The following TAF4 variants were observed in gnomAD, a reference collection of about 807,000 sequenced individuals.
TAF4 encodes TATA-box binding protein associated factor 4.
In TAF4, 9 loss-of-function variants were observed where a neutral mutation model predicts 90.3. The ratio of observed to expected loss-of-function variants is 0.10; its 90% CI spans 0.06 to 0.17. TAF4 has a LOEUF of 0.17. Ranked by LOEUF, TAF4 falls within the 10% of genes least tolerant of loss-of-function variation. TAF4 has a pLI of 1.00. For missense variants in TAF4, 1,351 were observed against 1,370.7 expected, an observed-to-expected ratio of 0.99 and a Z score of 0.23; for synonymous variants, 818 against 638.9, an observed-to-expected ratio of 1.28 and a Z score of -4.23.
At chr20:62,059,015 CACAGTCCCCAACA>C (rs2056075633) in intron 1 of TAF4, among the ~76,000 whole-genome samples, 2 of 152,272 alleles carry the variant, frequency 1.3e-5, no homozygotes, top group Non-Finnish European at 2.9e-5. Context: ...AGTCCCCAAA[CACAGTCCCCAACA>C]GACAACTTCT....
At chr20:62,054,618 C>A (rs1317720198) in intron 1 of TAF4, among the ~76,000 whole-genome samples, 1 of 152,180 alleles carries the variant, frequency 6.6e-6, no homozygotes, top group Admixed American at 6.5e-5. Context: ...CACCAGGCTC[C>A]TGCACCCAGG....
intron 1 of TAF4, among the ~76,000 whole-genome samples, chr20:62,056,633 C>T (rs1044725017): frequency 6.6e-6 from 1 of 152,074 alleles, no homozygotes; most frequent in East Asian, 1.9e-4. Flanking sequence ...CAAGGCAAAG[C>T]ACAGACTTGG....
chr20:62,065,487 G>T lies in TAF4; in HGVS notation c.324C>A (p.Pro108=), dbSNP rs1421840073. The change falls in exon 1 of 15, where the codon CCC becomes CCA. Residue 108 remains proline, a synonymous_variant. Coordinates refer to ENST00000252996, the MANE Select transcript of TAF4 (RefSeq NM_003185.4). ...GGGGPQRPGP[P]SPRRPLVPAG... Reference sequence around the variant, plus strand: ...CGGGGACAAGGGGGCGGCGCGGTGAGGGGGGGCCCGGGCGCTGCGGCCCCC... The same window carrying T: ...CGGGGACAAGGGGGCGGCGCGGTGATGGGGGGCCCGGGCGCTGCGGCCCCC... 2.1e-6 allele frequency: 2 copies of T among 964,626 alleles called. No homozygotes were observed. The highest frequency in any genetic ancestry group is 1.2e-4 in the East Asian group (1 of 8,442). 59.8% of individuals were successfully genotyped at this position (964,626 alleles called of 1,614,324 possible). A position where few individuals can be genotyped will look rare whatever the true frequency, so the allele number is the denominator to read the frequency against.
Position 62,065,598 on chromosome 20 carries a change from C to A in TAF4, c.213G>T (p.Ala71=). 2 of 987,526 alleles carry A rather than the reference C, an allele frequency of 2.0e-6. No homozygotes were observed. Among genetic ancestry groups the A allele is most frequent in the Non-Finnish European group, 2.4e-6 (2 of 833,874 alleles). 61.2% of individuals were successfully genotyped at this position (987,526 alleles called of 1,614,324 possible). A position where few individuals can be genotyped will look rare whatever the true frequency, so the allele number is the denominator to read the frequency against. ...HVVSGSPAGA[A]GAGPAAPAEG... Reference sequence around the variant, plus strand: ...CGGCGGGGGCGGCCGGCCCTGCGCCCGCGGCTCCGGCCGGGCTGCCGCTCA... The same window carrying A: ...CGGCGGGGGCGGCCGGCCCTGCGCCAGCGGCTCCGGCCGGGCTGCCGCTCA... The change falls in exon 1 of 15, where the codon GCG becomes GCT. Residue 71 remains alanine (A), a synonymous_variant. Transcript: ENST00000252996.
At chr20:62,059,577 A>C (rs2056078502) in intron 1 of TAF4, among the ~76,000 whole-genome samples, 1 of 152,178 alleles carries the variant, frequency 6.6e-6, no homozygotes, top group South Asian at 2.1e-4. Context: ...GGTGCACAGC[A>C]CTCGGCACAG....
intron 1 of TAF4, chr20:62,064,215 A>T (rs2056107313): frequency 4.8e-6 from 2 of 414,036 alleles, no homozygotes; most frequent in Non-Finnish European, 8.3e-6. Flanking sequence ...ACAGGCAGCC[A>T]GCGCGGACGT....
chr20:61,983,502 T>C (rs570796676), intron 14 of TAF4, among the ~76,000 whole-genome samples: 2 of 152,044 alleles, frequency 1.3e-5, no homozygotes, highest in East Asian at 1.9e-4. Context: ...TCCTACAAAA[T>C]ATTTTAAAAA....
intron 14 of TAF4, among the ~76,000 whole-genome samples, chr20:61,995,212 G>C (rs774645460): frequency 6.6e-6 from 1 of 152,200 alleles, no homozygotes; most frequent in Non-Finnish European, 1.5e-5. Context: ...GAGGAAAACA[G>C]CAGTCGAGAG....
intron 14 of TAF4, among the ~76,000 whole-genome samples, chr20:61,981,694 A>G (rs2055541982): frequency 6.6e-6 from 1 of 152,056 alleles, no homozygotes. Flanking sequence ...TCTCCCCCTC[A>G]GGCAGAGTGG....
intron 14 of TAF4, among the ~76,000 whole-genome samples, chr20:61,978,680 CA>C (rs1389466389): frequency 6.6e-6 from 1 of 151,260 alleles, no homozygotes; most frequent in African/African-American, 2.4e-5. Context: ...GGGGCGAGAC[CA>C]ACCAAGGCCG....
At position 62,027,845 on chromosome 20, in the gene TAF4, G is replaced by A. The variant is rs143500418; in HGVS notation, c.1361-13138C>T. 8.3e-3 allele frequency among the ~76,000 whole-genome samples: 1,257 copies of A among 152,294 alleles called. 10 individuals carry two copies. Among genetic ancestry groups the A allele is most frequent in the Non-Finnish European group, 0.011 (764 of 68,016 alleles). On this transcript the variant is annotated intron_variant, in intron 1 of 14. Transcript: ENST00000252996. ...ATGGCCCACATCGCTCCATGCGCACGGGGCAAAGAAACAGTGACTGAGAAA... is the reference window on the plus strand; with the variant it reads ...ATGGCCCACATCGCTCCATGCGCACAGGGCAAAGAAACAGTGACTGAGAAA...
chr20:62,017,060 GAGTCC>G lies in TAF4; in HGVS notation c.1361-2358_1361-2354del, dbSNP rs2055816001. On this transcript the variant is annotated intron_variant, in intron 1 of 14. Transcript: ENST00000252996. ...GGAGGCTAGGGTGGGAGGATCATCT[GAGTCC>G]AGGAGCTGGAAGCTGCAGTGGGCTA... Among the ~76,000 whole-genome samples, 4 of 151,726 alleles carry G rather than the reference GAGTCC, an allele frequency of 2.6e-5. No individual in the cohort carries two copies. The South Asian group carries it at 8.3e-4, about 32-fold the overall frequency.
At position 62,010,265 on chromosome 20, in the gene TAF4, C is replaced by A; in HGVS notation, c.1642-100G>T. On this transcript the variant is annotated intron_variant, in intron 3 of 14. Transcript: ENST00000252996. The surrounding 1 kb of genome is among the most constrained non-coding windows in gnomAD (Gnocchi z 4.5). ...CAGCAAAAGAAAACAAGCCTCCCTGCGGTGGCCAGGACGCCCAGGAAGCCA... is the reference window on the plus strand; with the variant it reads ...CAGCAAAAGAAAACAAGCCTCCCTGAGGTGGCCAGGACGCCCAGGAAGCCA... 6.4e-7 allele frequency: 1 copy of A among 1,563,940 alleles called. No homozygotes were observed. Among genetic ancestry groups the A allele is most frequent in the South Asian group, 1.1e-5 (1 of 87,746 alleles).
intron 1 of TAF4, among the ~76,000 whole-genome samples, chr20:62,030,837 G>GAT (rs1391476232): frequency 6.6e-6 from 1 of 152,178 alleles, no homozygotes; most frequent in Non-Finnish European, 1.5e-5. Context: ...GAACCTCATG[G>GAT]ATAAACACGT....
At chr20:62,044,376 G>A (rs1440030960) in intron 1 of TAF4, among the ~76,000 whole-genome samples, 2 of 152,152 alleles carry the variant, frequency 1.3e-5, no homozygotes, top group Non-Finnish European at 2.9e-5. Flanking sequence ...GCGAGTATGT[G>A]TATTTTGAAC....
At chr20:62,008,466 G>A (rs545527683) in intron 5 of TAF4, among the ~76,000 whole-genome samples, 19 of 151,886 alleles carry the variant, frequency 1.3e-4, no homozygotes, top group African/African-American at 3.9e-4. Context: ...GTTAAGGAGA[G>A]GGGAGGCTGC....
At chr20:62,000,391 G>A (rs1175516849) in intron 10 of TAF4, 137 bp from the exon 11 acceptor site, 10 of 1,401,100 alleles carry the variant, frequency 7.1e-6, no homozygotes, top group Non-Finnish European at 9.7e-6. Flanking sequence ...GTGGAAGGCA[G>A]TGGTACCCAT....
intron 2 of TAF4, among the ~76,000 whole-genome samples, chr20:62,014,043 T>TGG: frequency 8.0e-6 from 1 of 124,716 alleles, no homozygotes; most frequent in African/African-American, 4.6e-5. Context: ...TGTGTGTGTG[T>TGG]GTATGTGTGT....
At chr20:62,012,968 C>A in intron 2 of TAF4, 34 bp from the exon 3 acceptor site, 1 of 1,609,956 alleles carries the variant, frequency 6.2e-7, no homozygotes, top group Non-Finnish European at 8.5e-7. Context: ...AAAACGAGCG[C>A]AAGTAAAAGG....
Sources: gnomAD v4.1 joint callset for allele counts (sites outside exome capture counted in the v4.1 genomes callset) on GRCh38, gnomAD v4.1.1 for gene constraint, Gnocchi (gnomAD v3.1) non-coding constraint, MANE v1.5 for transcripts, NCBI Gene and HGNC (gene_info 2026-07-23, HGNC 2026-07-21) for gene names.